TTC23L: variants seen among roughly 807,000 people sequenced by gnomAD.
TTC23L encodes the protein tetratricopeptide repeat protein 23-like.
In TTC23L, 42 loss-of-function variants were observed where a neutral mutation model predicts 48.1. That is an observed-to-expected ratio of 0.87 (90% CI 0.68 to 1.13). The LOEUF (loss-of-function observed/expected upper bound fraction) is 1.13, where lower values mean the gene tolerates loss of function less well. TTC23L is among the 50% of genes most tolerant of loss of function. The pLI is 0.00. For synonymous variants in TTC23L, 159 were observed against 157.2 expected (o/e 1.01, Z -0.09); for missense variants, 391 against 421.0 (o/e 0.93, Z 0.62).
chr5:34,861,768 G>C (rs905531369), intron 4 of TTC23L, among the ~76,000 whole-genome samples: 4 of 152,212 alleles, frequency 2.6e-5, no homozygotes, highest in South Asian at 2.1e-4. Flanking sequence ...GGTGTGAAGT[G>C]AGGATTAGGG....
At chr5:34,887,583 G>C (rs1188954868) in intron 9 of TTC23L, among the ~76,000 whole-genome samples, 1 of 152,106 alleles carries the variant, frequency 6.6e-6, no homozygotes, top group Non-Finnish European at 1.5e-5. Context: ...TGAATTAGAA[G>C]TTTTAAGAAT....
At chr5:34,845,891 G>A (rs1759077616) in intron 3 of TTC23L, among the ~76,000 whole-genome samples, 1 of 152,084 alleles carries the variant, frequency 6.6e-6, no homozygotes, top group Non-Finnish European at 1.5e-5. Context: ...GGCATTTCTG[G>A]TCCTAGCTTT....
exon 1 of TTC23L, chr5:34,839,227 T>A (rs551837174): frequency 6.5e-6 from 1 of 152,750 alleles, no homozygotes; most frequent in Non-Finnish European, 1.5e-5. Context: ...CTGTGCAGCT[T>A]TCGCGAGGCA....
At chr5:34,859,840 C>CTTTTTTTTT (rs10590697) in intron 4 of TTC23L, among the ~76,000 whole-genome samples, 9 of 95,356 alleles carry the variant, frequency 9.4e-5, no homozygotes, top group Non-Finnish European at 1.5e-4. Flanking sequence ...TTTTCTTCTT[C>CTTTTTTTTT]TTTTTTTTTT....
rs372142004 is a variant in TTC23L at position 34,871,521 on chromosome 5, A to G, written c.949+2508A>G. On this transcript the variant is annotated intron_variant, in intron 8 of 10. Transcript: ENST00000505624. ...TAACATAATTATAATCAAAATCCCAACAGAAGCATTTGTAAATATAGACAA... is the reference window on the plus strand; with the variant it reads ...TAACATAATTATAATCAAAATCCCAGCAGAAGCATTTGTAAATATAGACAA... Among the ~76,000 whole-genome samples the G allele has an allele frequency of 5.6e-4, 86 of 152,308 alleles. 1 individual carries two copies. In the South Asian group the frequency reaches 0.017, roughly 31 times the overall value.
the TTC23L span, chr5:34,925,511 ATTTG>A: frequency 4.4e-6 from 7 of 1,595,336 alleles, no homozygotes; most frequent in African/African-American, 8.1e-5. Flanking sequence ...TGGAAACCTG[ATTTG>A]TTTTTCAGTT....
intron 8 of TTC23L, among the ~76,000 whole-genome samples, chr5:34,874,632 G>A (rs962730597): frequency 1.3e-5 from 2 of 152,034 alleles, no homozygotes; most frequent in Non-Finnish European, 2.9e-5. Context: ...CAGAGGTGGG[G>A]GGTTTGCTTG....
chr5:34,857,610 A>G (rs1472875513), intron 4 of TTC23L, among the ~76,000 whole-genome samples: 1 of 152,218 alleles, frequency 6.6e-6, no homozygotes, highest in Non-Finnish European at 1.5e-5. Context: ...AAGTACAAAT[A>G]TAGTAAATTA....
chr5:34,915,519 C>T, the TTC23L span: 3 of 497,084 alleles, frequency 6.0e-6, no homozygotes, highest in East Asian at 3.5e-5. Context: ...CCAGTCCCGC[C>T]ACTCTTCAGA....
chr5:34,915,745 G>A, the TTC23L span: 6 of 1,600,308 alleles, frequency 3.7e-6, no homozygotes, highest in South Asian at 2.2e-5. Flanking sequence ...CAAGATGGCG[G>A]CAACCAAGAG....
chr5:34,922,567 G>A, the TTC23L span: 1 of 1,609,452 alleles, frequency 6.2e-7, no homozygotes, highest in South Asian at 1.1e-5. Context: ...CGGACCATCT[G>A]CTAAATTCCT....
chr5:34,897,794 G>A (rs541635621), intron 10 of TTC23L, among the ~76,000 whole-genome samples: 11 of 152,346 alleles, frequency 7.2e-5, no homozygotes, highest in African/African-American at 2.6e-4. Context: ...CTTGCCCTGA[G>A]GGTATACATG....
intron 8 of TTC23L, among the ~76,000 whole-genome samples, chr5:34,878,229 TGTG>T (rs1026278242): frequency 8.5e-5 from 13 of 152,066 alleles, no homozygotes; most frequent in Admixed American, 4.6e-4. Flanking sequence ...AGCCAGGTAT[TGTG>T]GTGTGTTCCT....
At chr5:34,880,690 G>A in intron 9 of TTC23L, 1 of 390,328 alleles carries the variant, frequency 2.6e-6, no homozygotes, top group South Asian at 1.9e-5. Context: ...CCAGGCTGTA[G>A]TGCAGTGGGG....
At chr5:34,845,335 C>T (rs552062695) in intron 2 of TTC23L, among the ~76,000 whole-genome samples, 152 bp from the exon 3 acceptor site, 13 of 152,270 alleles carry the variant, frequency 8.5e-5, no homozygotes, top group South Asian at 2.1e-4. Context: ...GCTTTGAGGG[C>T]GACGTGAGTT....
At chr5:34,881,797 T>A (rs200381610) in intron 9 of TTC23L, among the ~76,000 whole-genome samples, 2 of 148,650 alleles carry the variant, frequency 1.3e-5, no homozygotes, top group African/African-American at 5.0e-5. Flanking sequence ...ACAGAGTCAC[T>A]CTGTTGCCCA....
chr5:34,925,010 A>T, the TTC23L span: 1 of 1,589,292 alleles, frequency 6.3e-7, no homozygotes, highest in Non-Finnish European at 8.5e-7. Context: ...TCTTCAATGT[A>T]CCAGAACCCT....
At chr5:34,859,575 G>C (rs1403234224) in intron 4 of TTC23L, among the ~76,000 whole-genome samples, 1 of 151,996 alleles carries the variant, frequency 6.6e-6, no homozygotes, top group East Asian at 1.9e-4. Flanking sequence ...CGTTATAAAA[G>C]AGGCTTTTTG....
At chr5:34,874,015 A>G (rs941390224) in intron 8 of TTC23L, among the ~76,000 whole-genome samples, 1 of 152,206 alleles carries the variant, frequency 6.6e-6, no homozygotes, top group African/African-American at 2.4e-5. Flanking sequence ...CTGGTATATA[A>G]GGAGTTTGGA....
Sources: allele counts gnomAD v4.1 joint callset (sites outside exome capture counted in the v4.1 genomes callset), GRCh38; gene constraint gnomAD v4.1.1; transcripts MANE v1.5; gene names NCBI Gene and HGNC (gene_info 2026-07-23, HGNC 2026-07-21).